Variants in JAM3 observed in about 807,000 individuals in gnomAD.
The protein encoded by JAM3 is junctional adhesion molecule C.
Under a neutral mutation model 39.4 loss-of-function variants are expected in JAM3, and 31 were observed. The ratio of observed to expected loss-of-function variants is 0.79; its 90% CI spans 0.59 to 1.06. The LOEUF (loss-of-function observed/expected upper bound fraction) is 1.06. Among genes scored for constraint, JAM3 ranks in the 50% least tolerant of loss-of-function variants. The probability of loss-of-function intolerance (pLI) is 0.00; values close to 1 mark genes in which losing one functional copy is unlikely to be tolerated. For synonymous variants in JAM3, 182 were observed against 148.7 expected (o/e 1.22, Z -1.63); for missense variants, 455 against 391.4 (o/e 1.16, Z -1.37).
chr11:134,082,257 T>C (rs772572137), intron 1 of JAM3, among the ~76,000 whole-genome samples: 5 of 152,370 alleles, frequency 3.3e-5, no homozygotes, highest in Non-Finnish European at 5.9e-5. Flanking sequence ...CAGAAGGGAC[T>C]TGCTTTGTCT....
intron 1 of JAM3, among the ~76,000 whole-genome samples, chr11:134,079,794 A>C (rs1202962981): frequency 6.6e-6 from 1 of 152,226 alleles, no homozygotes; most frequent in African/African-American, 2.4e-5. Flanking sequence ...GTAACTGATT[A>C]ATTGAATTAG....
chr11:134,117,587 A>C (rs1942461520), intron 1 of JAM3, among the ~76,000 whole-genome samples: 1 of 152,202 alleles, frequency 6.6e-6, no homozygotes, highest in Non-Finnish European at 1.5e-5. Flanking sequence ...TACCACTGGA[A>C]TATTTTATAG....
chr11:134,118,180 G>A (rs1282893656), intron 1 of JAM3, among the ~76,000 whole-genome samples: 1 of 152,186 alleles, frequency 6.6e-6, no homozygotes, highest in Non-Finnish European at 1.5e-5. Flanking sequence ...TCTGTGTTTA[G>A]TCATACACAT....
intron 1 of JAM3, among the ~76,000 whole-genome samples, chr11:134,131,474 A>G (rs910373219): frequency 6.6e-5 from 10 of 152,124 alleles, no homozygotes; most frequent in African/African-American, 9.7e-5. Context: ...AGTTAACCGT[A>G]TTATAATAAT....
rs1943178064 is a variant in JAM3, at chr11:134,150,324, GTCT to G, written c.*1144_*1146del. The G allele has an allele frequency of 6.6e-6, 1 of 152,328 alleles. No individual in the cohort carries two copies. 9.4% of individuals were successfully genotyped at this position (152,328 alleles called of 1,614,324 possible). A position where few individuals can be genotyped will look rare whatever the true frequency, so the allele number is the denominator to read the frequency against. On this transcript the variant is annotated 3_prime_UTR_variant, in exon 9 of 9. Transcript: ENST00000299106. ...GCCTCTTCCTGAGATGACTAGGACAGTCTGTACCCAGAGGCCACCCAGAAGCCC... is the reference window on the plus strand; with the variant it reads ...GCCTCTTCCTGAGATGACTAGGACAGGTACCCAGAGGCCACCCAGAAGCCC...
chr11:134,142,785 A>G (rs994653343), intron 3 of JAM3, among the ~76,000 whole-genome samples: 3 of 151,730 alleles, frequency 2.0e-5, no homozygotes, highest in African/African-American at 7.3e-5. Flanking sequence ...CTCCTCCCGC[A>G]TCCCTGGCAG....
intron 1 of JAM3, among the ~76,000 whole-genome samples, chr11:134,128,809 G>C (rs935251391): frequency 3.3e-5 from 5 of 152,136 alleles, no homozygotes; most frequent in Admixed American, 6.5e-5. Context: ...GTTCTTTATA[G>C]TGTGAAAATG....
intron 1 of JAM3, among the ~76,000 whole-genome samples, chr11:134,110,537 A>G (rs1436339224): frequency 6.6e-6 from 1 of 152,230 alleles, no homozygotes; most frequent in East Asian, 1.9e-4. Flanking sequence ...GAAAAAGGCC[A>G]GACAAGAAGA....
At chr11:134,103,394 G>A (rs867447193) in intron 1 of JAM3, among the ~76,000 whole-genome samples, 1 of 152,176 alleles carries the variant, frequency 6.6e-6, no homozygotes, top group Admixed American at 6.5e-5. Flanking sequence ...ACCAGTACCA[G>A]CCACTGCAAA....
At chr11:134,080,894 T>A (rs1253050120) in intron 1 of JAM3, among the ~76,000 whole-genome samples, 1 of 152,194 alleles carries the variant, frequency 6.6e-6, no homozygotes, top group Non-Finnish European at 1.5e-5. Flanking sequence ...TTGAATGGTT[T>A]TTACCAAAAT....
At chr11:134,122,716 ACAC>A (rs931773312) in intron 1 of JAM3, among the ~76,000 whole-genome samples, 3 of 152,226 alleles carry the variant, frequency 2.0e-5, no homozygotes, top group African/African-American at 7.2e-5. Flanking sequence ...AGTTTGGAAA[ACAC>A]CACAAGCATT....
intron 1 of JAM3, among the ~76,000 whole-genome samples, chr11:134,092,726 C>T (rs1403871803): frequency 2.2e-5 from 3 of 135,434 alleles, no homozygotes; most frequent in African/African-American, 5.7e-5. Flanking sequence ...CATGTCACTT[C>T]CTGAGGGAAG....
At chr11:134,118,861 C>T (rs550638271) in intron 1 of JAM3, among the ~76,000 whole-genome samples, 1 of 152,130 alleles carries the variant, frequency 6.6e-6, no homozygotes, top group East Asian at 1.9e-4. Flanking sequence ...GGTTAACGGT[C>T]TTTCCAGGTT....
intron 1 of JAM3, among the ~76,000 whole-genome samples, chr11:134,123,334 G>A (rs1057277052): frequency 3.3e-5 from 5 of 151,980 alleles, no homozygotes; most frequent in Non-Finnish European, 5.9e-5. Flanking sequence ...GGGAAAAAGG[G>A]ACATGTAGGA....
At chr11:134,135,176 T>G (rs570986382) in intron 1 of JAM3, among the ~76,000 whole-genome samples, 16 of 152,350 alleles carry the variant, frequency 1.1e-4, no homozygotes, top group African/African-American at 3.8e-4. Flanking sequence ...TTTATATGTT[T>G]TAAGCTAATT....
intron 1 of JAM3, among the ~76,000 whole-genome samples, chr11:134,120,685 T>G (rs1473950238): frequency 6.6e-6 from 1 of 152,150 alleles, no homozygotes; most frequent in Non-Finnish European, 1.5e-5. Flanking sequence ...ACGGGGAGTT[T>G]GCACATTCAA....
At chr11:134,081,349 C>T (rs1300632164) in intron 1 of JAM3, among the ~76,000 whole-genome samples, 1 of 152,240 alleles carries the variant, frequency 6.6e-6, no homozygotes, top group Non-Finnish European at 1.5e-5. Flanking sequence ...ACAGCCACCC[C>T]TCCCATCACA....
intron 1 of JAM3, among the ~76,000 whole-genome samples, chr11:134,092,340 C>T (rs1285697579): frequency 6.8e-6 from 1 of 147,472 alleles, no homozygotes; most frequent in Non-Finnish European, 1.5e-5. Context: ...CCTGAACCCT[C>T]CTTATTCATC....
At chr11:134,144,123 A>G (rs1943025616) in intron 3 of JAM3, 118 bp from the exon 4 acceptor site, 1 of 938,424 alleles carries the variant, frequency 1.1e-6, no homozygotes, top group African/African-American at 1.6e-5. Flanking sequence ...AATAGAAATA[A>G]ATATTGATCT....
Sources: allele counts gnomAD v4.1 joint callset (sites outside exome capture counted in the v4.1 genomes callset), GRCh38; gene constraint gnomAD v4.1.1; transcripts MANE v1.5; gene names NCBI Gene and HGNC (gene_info 2026-07-23, HGNC 2026-07-21).